The following XPOT variants were observed in gnomAD, a reference collection of about 807,000 sequenced individuals.
The protein encoded by XPOT is exportin-T.
XPOT carries 34 observed loss-of-function variants against 128.2 expected under a neutral mutation model. That is an observed-to-expected ratio of 0.27 (90% confidence interval 0.20 to 0.35). The LOEUF (loss-of-function observed/expected upper bound fraction) is 0.35. Ranked by LOEUF, XPOT falls within the 10% of genes least tolerant of loss-of-function variation. XPOT has a pLI of 1.00. For synonymous variants in XPOT, 348 were observed against 394.3 expected (o/e 0.88, Z 1.39); for missense variants, 838 against 1,125.3 (o/e 0.74, Z 3.65).
chr12:64,439,411 A>G (rs1208343043), intron 23 of XPOT, 96 bp downstream of exon 23: 4 of 1,127,566 alleles, frequency 3.5e-6, no homozygotes, highest in Non-Finnish European at 5.2e-6. Context: ...AAATATTTTC[A>G]TATTACATAA....
chr12:64,418,854 G>A (rs2136017794), intron 5 of XPOT, 22 bp from the exon 6 acceptor site: 1 of 1,602,270 alleles, frequency 6.2e-7, no homozygotes, highest in East Asian at 2.2e-5. Context: ...TTAATTTTAT[G>A]GACTGTTTCT....
At chr12:64,406,168 C>G (rs2039980135) in intron 1 of XPOT, among the ~76,000 whole-genome samples, 1 of 152,234 alleles carries the variant, frequency 6.6e-6, no homozygotes, top group Non-Finnish European at 1.5e-5. Context: ...CTCCCCCTCC[C>G]GGGTTCATGC....
rs2040179268 is a variant in XPOT, at chr12:64,425,149, A to C, written c.1419A>C (p.Ser473=). 6.2e-7 allele frequency: 1 copy of C among 1,614,120 alleles called. No homozygotes were observed. Residue 473 remains serine (S), a synonymous_variant, in exon 13 of 25, where the codon TCA becomes TCC. Coordinates refer to ENST00000332707, the MANE Select transcript of XPOT (RefSeq NM_007235.6). ...GTGCTCACTTCTCAGGTGATGTTTCAAAAGCTAGTGCTTTGCAGGATATGA... is the reference window on the plus strand; with the variant it reads ...GTGCTCACTTCTCAGGTGATGTTTCCAAAGCTAGTGCTTTGCAGGATATGA... ...SHGAHFSGDV[S]KASALQDMMR...
In XPOT at chr12:64,421,346, C is replaced by T; in HGVS notation, c.955C>T (p.Gln319Ter). 6.2e-7 allele frequency: 1 copy of T among 1,613,806 alleles called. No homozygotes were observed. The highest frequency in any genetic ancestry group is 8.5e-7 in the Non-Finnish European group (1 of 1,179,814). The change falls in exon 9 of 25, where the codon CAA becomes TAA. Residue 319 changes from glutamine to a stop codon, truncating the protein, a stop_gained. Coordinates refer to ENST00000332707, the MANE Select transcript of XPOT (RefSeq NM_007235.6). LOFTEE classifies it high-confidence loss of function. The part of the protein sequence containing the change: ...LIKNGDIKNA[Q>*]EALQAIETKV... Reference sequence around the variant, plus strand: ...TAAGAATGGGGATATTAAGAATGCTCAAGAGGCACTACAAGCTATTGAAAC... The same window carrying T: ...TAAGAATGGGGATATTAAGAATGCTTAAGAGGCACTACAAGCTATTGAAAC...
chr12:64,413,232 A>G (rs778156052), intron 2 of XPOT, among the ~76,000 whole-genome samples: 129 of 152,262 alleles, frequency 8.5e-4, no homozygotes, highest in Non-Finnish European at 4.7e-4. Context: ...CCTCCCAAGT[A>G]GTTGGGACTG....
chr12:64,415,682 A>G (rs2040081412), intron 3 of XPOT, among the ~76,000 whole-genome samples: 1 of 152,122 alleles, frequency 6.6e-6, no homozygotes, highest in African/African-American at 2.4e-5. Flanking sequence ...CCCGGCCTAT[A>G]TCTTAATTTT....
chr12:64,432,297 G>A lies in XPOT; in HGVS notation c.2262+474G>A, dbSNP rs2040246191. Among the ~76,000 whole-genome samples, 3 of 151,662 alleles carry A rather than the reference G, an allele frequency of 2.0e-5. No individual in the cohort carries two copies. In the South Asian group the frequency reaches 6.2e-4, roughly 32 times the overall value. ...GTCTCACTCTGTCACATAGGCTGGA[G>A]TGCAGTGGCGCGGTCACAACTCACT... On this transcript the variant is annotated intron_variant, in intron 18 of 24. Transcript: ENST00000332707.
intron 18 of XPOT, 100 bp from the exon 19 acceptor site, chr12:64,433,314 C>T: frequency 1.8e-6 from 2 of 1,101,750 alleles, no homozygotes; most frequent in Non-Finnish European, 2.6e-6. Context: ...TGTACGCATG[C>T]ATCCTAAATA....
Position 64,433,623 on chromosome 12 carries a change from C to A in XPOT, c.2452+20C>A. ...ATCAAGGTGGGAACACATGCCATAT[C>A]TAATTTGTCTGCTTAAGTCTGTGTC... On this transcript the variant is annotated intron_variant, in intron 19 of 24. Coordinates refer to ENST00000332707, the MANE Select transcript of XPOT (RefSeq NM_007235.6). The A allele has an allele frequency of 6.4e-7, 1 of 1,569,946 alleles. No homozygotes were observed. The highest frequency in any genetic ancestry group is 8.7e-7 in the Non-Finnish European group (1 of 1,152,068).
In XPOT at chr12:64,450,627, G is replaced by A. The variant is rs1267115577; in HGVS notation, c.*2496G>A. 1 of 152,126 alleles carries A rather than the reference G, an allele frequency of 6.6e-6. No individual in the cohort carries two copies. Among genetic ancestry groups the A allele is most frequent in the African/African-American group, 2.4e-5 (1 of 41,424 alleles). The allele number at this position is 152,126 out of a possible 1,614,324, so 9.4% of individuals were successfully genotyped here. A position where few individuals can be genotyped will look rare whatever the true frequency, so the allele number is the denominator to read the frequency against. On this transcript the variant is annotated 3_prime_UTR_variant, in exon 25 of 25. Coordinates refer to ENST00000332707, the MANE Select transcript of XPOT (RefSeq NM_007235.6). Reference sequence around the variant, plus strand: ...TGCATAACTTCTATCTTCATTCTCTGAAGTTGCCTAGAGCACCATCACAGC... The same window carrying A: ...TGCATAACTTCTATCTTCATTCTCTAAAGTTGCCTAGAGCACCATCACAGC...
In XPOT at chr12:64,419,990, T is replaced by C. The variant is rs2040123144; in HGVS notation, c.490-80T>C. The C allele has an allele frequency of 8.4e-6, 11 of 1,317,110 alleles. No individual in the cohort carries two copies. The South Asian group carries it at 1.6e-4, about 19-fold the overall frequency. 81.6% of individuals were successfully genotyped at this position (1,317,110 alleles called of 1,614,324 possible). ...GGAATGTGTTAACAAGTCTGAAAGT[T>C]TACTCTCTGCAAGTATATTCAGATA... On this transcript the variant is annotated intron_variant, in intron 6 of 24. Coordinates refer to ENST00000332707, the MANE Select transcript of XPOT (RefSeq NM_007235.6).
chr12:64,440,382 T>C (rs2040315371), intron 23 of XPOT, among the ~76,000 whole-genome samples: 1 of 152,198 alleles, frequency 6.6e-6, no homozygotes, highest in Non-Finnish European at 1.5e-5. Flanking sequence ...GATAGATTCA[T>C]TGGGGCTATT....
intron 21 of XPOT, 91 bp downstream of exon 21, chr12:64,435,000 G>T: frequency 1.8e-6 from 2 of 1,114,514 alleles, no homozygotes; most frequent in East Asian, 5.1e-5. Flanking sequence ...ATGTTTCATT[G>T]ATTTTTTTTT....
chr12:64,415,099 T>TC, intron 3 of XPOT, 110 bp downstream of exon 3: 1 of 715,460 alleles, frequency 1.4e-6, no homozygotes, highest in Non-Finnish European at 2.4e-6. Flanking sequence ...TTATGACTTT[T>TC]TTTTTTTTTT....
At chr12:64,441,698 T>G (rs1425492151) in intron 23 of XPOT, among the ~76,000 whole-genome samples, 1 of 152,234 alleles carries the variant, frequency 6.6e-6, no homozygotes, top group Non-Finnish European at 1.5e-5. Context: ...ATTTTTATTT[T>G]TTTTGAGATG....
intron 17 of XPOT, among the ~76,000 whole-genome samples, chr12:64,430,970 A>C (rs1213451554): frequency 6.6e-6 from 1 of 151,726 alleles, no homozygotes; most frequent in African/African-American, 2.4e-5. Flanking sequence ...GGGGAGACAC[A>C]GTCTTGCTTT....
rs2040091471 is a variant in XPOT, at chr12:64,416,771, T to C, written c.200+17T>C. The C allele has an allele frequency of 6.2e-7, 1 of 1,606,998 alleles. No homozygotes were observed. ...TAAATACAAGTAAGGCTTTTCTTAC[T>C]GTTTTGACTCAGATTTGCGGGGAGA... On this transcript the variant is annotated intron_variant, in intron 4 of 24. Coordinates refer to ENST00000332707, the MANE Select transcript of XPOT (RefSeq NM_007235.6).
chr12:64,447,073 T>C (rs1289585389), intron 24 of XPOT, among the ~76,000 whole-genome samples: 1 of 152,190 alleles, frequency 6.6e-6, no homozygotes, highest in Non-Finnish European at 1.5e-5. Flanking sequence ...AGAGAGAGCT[T>C]GTGCAGGGAG....
At chr12:64,441,484 G>T (rs1287691562) in intron 23 of XPOT, among the ~76,000 whole-genome samples, 2 of 152,182 alleles carry the variant, frequency 1.3e-5, no homozygotes, top group Non-Finnish European at 2.9e-5. Context: ...AAATCTGGAA[G>T]TGTGGTACAT....
Sources: allele counts gnomAD v4.1 joint callset (sites outside exome capture counted in the v4.1 genomes callset), GRCh38; gene constraint gnomAD v4.1.1; transcripts MANE v1.5; gene names NCBI Gene and HGNC (gene_info 2026-07-23, HGNC 2026-07-21).